Variants in PTPRM observed in about 807,000 individuals in gnomAD.
PTPRM encodes protein tyrosine phosphatase receptor type M.
In PTPRM, 47 loss-of-function variants were observed where a neutral mutation model predicts 186.7. That is an observed-to-expected ratio of 0.25 (90% CI 0.20 to 0.32). PTPRM has a LOEUF of 0.32. Among genes scored for constraint, PTPRM ranks in the 10% least tolerant of loss-of-function variants. The pLI, the probability that PTPRM is intolerant of heterozygous loss-of-function variation, is 1.00. For synonymous variants in PTPRM, 668 were observed against 674.9 expected (o/e 0.99, Z 0.16); for missense variants, 1,494 against 1,865.0 (o/e 0.80, Z 3.66).
At chr18:8,150,041 G>T (rs1316818941) in intron 14 of PTPRM, among the ~76,000 whole-genome samples, 2 of 152,180 alleles carry the variant, frequency 1.3e-5, no homozygotes, top group African/African-American at 4.8e-5. Flanking sequence ...GGCTTCCCTT[G>T]TGAGTAATCT....
chr18:7,846,195 G>A (rs572454901), intron 2 of PTPRM, among the ~76,000 whole-genome samples: 1 of 152,150 alleles, frequency 6.6e-6, no homozygotes, highest in African/African-American at 2.4e-5. Context: ...GTACATCAGA[G>A]TGTCCACTCA....
intron 7 of PTPRM, among the ~76,000 whole-genome samples, chr18:8,023,964 G>A (rs552873996): frequency 2.0e-5 from 3 of 151,824 alleles, no homozygotes; most frequent in Non-Finnish European, 2.9e-5. Context: ...ATCAACAGAA[G>A]GAGTGCTAAT....
intron 2 of PTPRM, among the ~76,000 whole-genome samples, chr18:7,776,456 A>C (rs2089978528): frequency 6.6e-6 from 1 of 151,952 alleles, no homozygotes; most frequent in Non-Finnish European, 1.5e-5. Context: ...TTGCTCCATC[A>C]GATTAAATAT....
chr18:8,074,439 A>G (rs2089677557), intron 8 of PTPRM, among the ~76,000 whole-genome samples: 1 of 152,186 alleles, frequency 6.6e-6, no homozygotes, highest in Non-Finnish European at 1.5e-5. Flanking sequence ...TTGTTGGGTT[A>G]TGTTGTAAAT....
intron 7 of PTPRM, among the ~76,000 whole-genome samples, chr18:8,012,111 C>G (rs2084568866): frequency 6.6e-6 from 1 of 152,218 alleles, no homozygotes; most frequent in African/African-American, 2.4e-5. Context: ...AGAGACGCCA[C>G]TGGGGGGCAT....
chr18:7,987,864 C>T (rs545422233), intron 7 of PTPRM, among the ~76,000 whole-genome samples: 1 of 152,048 alleles, frequency 6.6e-6, no homozygotes, highest in East Asian at 1.9e-4. Flanking sequence ...TTGATATCTT[C>T]ACAAACAAAT....
chr18:7,837,242 GC>G (rs1325629015), intron 2 of PTPRM, among the ~76,000 whole-genome samples: 4 of 152,002 alleles, frequency 2.6e-5, no homozygotes, highest in Non-Finnish European at 5.9e-5. Context: ...TTTTCAAATA[GC>G]TGGTCTTCAA....
chr18:7,847,435 G>A (rs2046652563), intron 2 of PTPRM, among the ~76,000 whole-genome samples: 1 of 152,032 alleles, frequency 6.6e-6, no homozygotes. Context: ...CTAAAGTATT[G>A]GGATTACAGG....
At position 8,367,478 on chromosome 18, in the gene PTPRM, T is replaced by C. The variant is rs577179699; in HGVS notation, c.3055-3412T>C. 2.6e-5 allele frequency among the ~76,000 whole-genome samples: 4 copies of C among 152,372 alleles called. No individual in the cohort carries two copies. In the South Asian group the frequency reaches 8.3e-4, roughly 32 times the overall value. On this transcript the variant is annotated intron_variant, in intron 23 of 32. Coordinates refer to ENST00000580170, the MANE Select transcript of PTPRM (RefSeq NM_001105244.2). Reference sequence around the variant, plus strand: ...GAGAGCAGACGGTGTTTTCTTTTCATTGTTCCCTCGCTTCGCTGGGAGAGC... The same window carrying C: ...GAGAGCAGACGGTGTTTTCTTTTCACTGTTCCCTCGCTTCGCTGGGAGAGC...
chr18:8,153,202 T>C (rs73389739), intron 14 of PTPRM, among the ~76,000 whole-genome samples: 6,124 of 152,266 alleles, frequency 0.04, 267 homozygotes, highest in African/African-American at 0.11. Context: ...TCCGGGAATA[T>C]GGTGGATATA....
chr18:8,217,804 C>T (rs2094108232), intron 14 of PTPRM, among the ~76,000 whole-genome samples: 1 of 152,158 alleles, frequency 6.6e-6, no homozygotes, highest in African/African-American at 2.4e-5. Context: ...TACACGTATA[C>T]ACCTTTACTT....
At chr18:7,658,083 A>T (rs1376009570) in intron 1 of PTPRM, among the ~76,000 whole-genome samples, 1 of 152,088 alleles carries the variant, frequency 6.6e-6, no homozygotes, top group African/African-American at 2.4e-5. Flanking sequence ...AGGATACAAT[A>T]CAGTATTATC....
At chr18:8,082,032 C>T (rs1001403783) in intron 9 of PTPRM, among the ~76,000 whole-genome samples, 9 of 152,038 alleles carry the variant, frequency 5.9e-5, no homozygotes, top group South Asian at 2.1e-4. Flanking sequence ...CTTAGTAAAG[C>T]GTTTGCTTGA....
At chr18:8,105,971 G>A (rs2091497478) in intron 11 of PTPRM, among the ~76,000 whole-genome samples, 1 of 152,204 alleles carries the variant, frequency 6.6e-6, no homozygotes, top group African/African-American at 2.4e-5. Flanking sequence ...TGGAAAGAGA[G>A]AGGAGAACAA....
intron 2 of PTPRM, among the ~76,000 whole-genome samples, chr18:7,783,863 T>A (rs1014362966): frequency 3.3e-5 from 5 of 151,938 alleles, no homozygotes; most frequent in Admixed American, 2.0e-4. Context: ...TGCCTTGGCC[T>A]CCCAAAGCAC....
chr18:7,772,574 G>A (rs555989049), intron 1 of PTPRM, among the ~76,000 whole-genome samples: 2 of 150,732 alleles, frequency 1.3e-5, no homozygotes, highest in South Asian at 4.2e-4. Flanking sequence ...GCAGAGTTTG[G>A]CCCTTTTTAA....
At chr18:8,225,520 T>C (rs2094203270) in intron 14 of PTPRM, among the ~76,000 whole-genome samples, 1 of 152,210 alleles carries the variant, frequency 6.6e-6, no homozygotes, top group South Asian at 2.1e-4. Context: ...CTGGTTTCTT[T>C]TACTGGAAAA....
intron 13 of PTPRM, among the ~76,000 whole-genome samples, chr18:8,141,789 T>C (rs1307185287): frequency 1.3e-5 from 2 of 152,190 alleles, no homozygotes; most frequent in Non-Finnish European, 2.9e-5. Flanking sequence ...TATGTCAACA[T>C]TTGGAAGAAT....
At chr18:8,143,551 T>C in intron 13 of PTPRM, 96 bp from the exon 14 acceptor site, 1 of 1,324,022 alleles carries the variant, frequency 7.6e-7, no homozygotes, top group Non-Finnish European at 1.1e-6. Context: ...TGATAAGTCT[T>C]ATTACTCTGT....
Sources: allele counts gnomAD v4.1 joint callset (sites outside exome capture counted in the v4.1 genomes callset), GRCh38; gene constraint gnomAD v4.1.1; transcripts MANE v1.5; gene names NCBI Gene and HGNC (gene_info 2026-07-23, HGNC 2026-07-21).